The following INTS2 variants were observed in gnomAD, a reference collection of about 807,000 sequenced individuals.
The protein encoded by INTS2 is integrator complex subunit 2.
A neutral mutation model predicts 139.6 loss-of-function variants in INTS2; 57 were observed. The ratio of observed to expected loss-of-function variants is 0.41; its 90% CI spans 0.33 to 0.51. The LOEUF (loss-of-function observed/expected upper bound fraction) is 0.51. INTS2 is among the 20% of genes least tolerant of loss of function. The pLI, the probability that INTS2 is intolerant of heterozygous loss-of-function variation, is 0.28. For synonymous variants in INTS2, 473 were observed against 493.4 expected, an observed-to-expected ratio of 0.96 and a Z score of 0.55; for missense variants, 1,196 against 1,436.7, an observed-to-expected ratio of 0.83 and a Z score of 2.71.
intron 9 of INTS2, among the ~76,000 whole-genome samples, chr17:61,901,740 G>A (rs775011112): frequency 3.3e-5 from 5 of 151,538 alleles, no homozygotes; most frequent in Non-Finnish European, 5.9e-5. Flanking sequence ...GCAGGCGCCC[G>A]CCACCATGAC....
chr17:61,882,080 T>C lies in INTS2; in HGVS notation c.2090-909A>G, dbSNP rs1055854382. Among the ~76,000 whole-genome samples, 4 of 152,226 alleles carry C rather than the reference T, an allele frequency of 2.6e-5. No individual in the cohort carries two copies. Among genetic ancestry groups the C allele is most frequent in the African/African-American group, 9.6e-5 (4 of 41,460 alleles). ...CTGTTGAGAATCATCACTATAGATATGGTAAAATTAAAGTTGCCCACTTTG... is the reference window on the plus strand; with the variant it reads ...CTGTTGAGAATCATCACTATAGATACGGTAAAATTAAAGTTGCCCACTTTG... On this transcript the variant is annotated intron_variant, in intron 16 of 24. Coordinates refer to ENST00000251334, the MANE Select transcript of INTS2 (RefSeq NM_001351695.2). The surrounding 1 kb of genome is among the most constrained non-coding windows in gnomAD (Gnocchi z 4.7).
chr17:61,901,473 AAAG>A (rs1461858172), intron 9 of INTS2, among the ~76,000 whole-genome samples: 1 of 151,362 alleles, frequency 6.6e-6, no homozygotes, highest in African/African-American at 2.4e-5. Flanking sequence ...TAGACACTAC[AAAG>A]AAGAAACATT....
chr17:61,867,740 GA>G lies in INTS2; in HGVS notation c.3422-15del, dbSNP rs750886254. The G allele has an allele frequency of 2.6e-5, 41 of 1,568,264 alleles. 1 individual carries two copies. The highest frequency in any genetic ancestry group is 4.0e-5 in the Admixed American group (2 of 50,056). On this transcript the variant is annotated splice_polypyrimidine_tract_variant and intron_variant, in intron 24 of 24. Transcript: ENST00000251334. This position sits in a 1 kb window ranked among gnomAD's most constrained non-coding sequence, Gnocchi z 5.6. ...TTTGTTGAAGACCTACAACATAAGG[GA>G]AAAAAAACATTAAGGCCAAGAAATT...
At chr17:61,926,017 ACT>A (rs1275535983) in intron 2 of INTS2, among the ~76,000 whole-genome samples, 1 of 150,820 alleles carries the variant, frequency 6.6e-6, no homozygotes, top group Non-Finnish European at 1.5e-5. Context: ...CAAGAGCGAA[ACT>A]CTGTCTCAAA....
chr17:61,885,727 T>TC (rs2079221655), intron 15 of INTS2, among the ~76,000 whole-genome samples: 1 of 139,676 alleles, frequency 7.2e-6, no homozygotes, highest in African/African-American at 2.7e-5. Flanking sequence ...CGGCCAATTT[T>TC]TTTTTTTTTT....
At chr17:61,920,204 G>A (rs973624402) in intron 4 of INTS2, among the ~76,000 whole-genome samples, 12 of 125,490 alleles carry the variant, frequency 9.6e-5, no homozygotes, top group Non-Finnish European at 1.6e-4. Flanking sequence ...TTTTTGCGAC[G>A]AAGTCTCGCT....
chr17:61,872,120 T>A lies in INTS2; in HGVS notation c.2778+145A>T. ...CTGATACTCAGAAGCAAAGGTAACATCATTGTAATAGATTCTATAATAAAA... is the reference window on the plus strand; with the variant it reads ...CTGATACTCAGAAGCAAAGGTAACAACATTGTAATAGATTCTATAATAAAA... On this transcript the variant is annotated intron_variant, in intron 20 of 24. Coordinates refer to ENST00000251334, the MANE Select transcript of INTS2 (RefSeq NM_001351695.2). This position sits in a 1 kb window ranked among gnomAD's most constrained non-coding sequence, Gnocchi z 4.8. 4.2e-6 allele frequency: 2 copies of A among 478,712 alleles called. No homozygotes were observed. Among genetic ancestry groups the A allele is most frequent in the Non-Finnish European group, 7.5e-6 (2 of 266,914 alleles). 29.7% of individuals were successfully genotyped at this position (478,712 alleles called of 1,614,324 possible). A position where few individuals can be genotyped will look rare whatever the true frequency, so the allele number is the denominator to read the frequency against.
chr17:61,871,577 T>G lies in INTS2; in HGVS notation c.2778+688A>C, dbSNP rs1356963365. On this transcript the variant is annotated intron_variant, in intron 20 of 24. Coordinates refer to ENST00000251334, the MANE Select transcript of INTS2 (RefSeq NM_001351695.2). This position sits in a 1 kb window ranked among gnomAD's most constrained non-coding sequence, Gnocchi z 4.9. The stretch of plus-strand genomic sequence containing the variant: ...ACAAATAACTAAGGATTTTGTCTTC[T>G]TCACCACTCTATCCCCAGTTCCTGG... Among the ~76,000 whole-genome samples the G allele has an allele frequency of 6.6e-6, 1 of 152,228 alleles. No individual in the cohort carries two copies. The highest frequency in any genetic ancestry group is 1.5e-5 in the Non-Finnish European group (1 of 68,036).
chr17:61,896,036 T>G (rs1245857630), intron 11 of INTS2, among the ~76,000 whole-genome samples: 1 of 151,850 alleles, frequency 6.6e-6, no homozygotes, highest in Non-Finnish European at 1.5e-5. Flanking sequence ...GGTCAGGAGA[T>G]CGACACCATC....
intron 2 of INTS2, 32 bp from the exon 3 acceptor site, chr17:61,925,131 A>G (rs1469169668): frequency 6.3e-7 from 1 of 1,588,936 alleles, no homozygotes; most frequent in Admixed American, 1.7e-5. Context: ...AACAATTATG[A>G]AAACACTGAT....
intron 13 of INTS2, among the ~76,000 whole-genome samples, chr17:61,892,953 CAA>C (rs58426330): frequency 0.034 from 1,490 of 44,126 alleles, 7 homozygotes; most frequent in African/African-American, 0.042. Flanking sequence ...GACTCCATCT[CAA>C]AAAAAAAAAA....
At chr17:61,919,556 C>T (rs1479565526) in intron 4 of INTS2, 43 bp from the exon 5 acceptor site, 2 of 942,104 alleles carry the variant, frequency 2.1e-6, no homozygotes, top group Non-Finnish European at 3.3e-6. Context: ...TTAACAGGTG[C>T]ACTCCACCAC....
intron 15 of INTS2, 78 bp from the exon 16 acceptor site, chr17:61,885,083 C>T: frequency 1.1e-6 from 1 of 940,210 alleles, no homozygotes; most frequent in South Asian, 1.5e-5. Flanking sequence ...CAAATGGAAA[C>T]AAAAACAAAG....
chr17:61,889,658 C>T (rs1567898597), intron 15 of INTS2, 128 bp downstream of exon 15: 2 of 561,540 alleles, frequency 3.6e-6, no homozygotes, highest in Non-Finnish European at 6.4e-6. Flanking sequence ...GCCCACATTG[C>T]AAAGATTATA....
intron 3 of INTS2, among the ~76,000 whole-genome samples, chr17:61,922,424 C>T (rs1157437183): frequency 7.3e-6 from 1 of 137,830 alleles, no homozygotes; most frequent in Non-Finnish European, 1.5e-5. Flanking sequence ...GCCGAGATAG[C>T]ACCACTGCAC....
rs1166051388 is a variant in INTS2 at position 61,891,635 on chromosome 17, G to A, written c.1753C>T (p.Leu585Phe). Residue 585 changes from leucine to phenylalanine, a missense_variant, in exon 14 of 25, where the codon CTT (leucine) becomes TTT (phenylalanine). Around this residue, in one of 3 missense-constraint regions of INTS2, gnomAD observed 1,129 missense variants for 1,341.9 expected, o/e 0.84. Coordinates refer to ENST00000251334, the MANE Select transcript of INTS2 (RefSeq NM_001351695.2). ...ETSTPLHPQL[L>F]PLIDVYINSI... is the part of the protein sequence containing the mutation. Reference sequence around the variant, plus strand: ...TTTATGTACACATCAATCAAAGGAAGTAATTGAGGATGAAGTGGAGTAGAG... The same window carrying A: ...TTTATGTACACATCAATCAAAGGAAATAATTGAGGATGAAGTGGAGTAGAG... 1 of 1,612,900 alleles carries A rather than the reference G, an allele frequency of 6.2e-7. No individual in the cohort carries two copies. The highest frequency in any genetic ancestry group is 2.2e-5 in the East Asian group (1 of 44,832).
At chr17:61,895,080 C>T (rs1182875798) in intron 12 of INTS2, among the ~76,000 whole-genome samples, 1 of 152,072 alleles carries the variant, frequency 6.6e-6, no homozygotes, top group Non-Finnish European at 1.5e-5. Flanking sequence ...TAAGTATCTA[C>T]TCAAAGTCTC....
Position 61,904,583 on chromosome 17 carries a change from G to A in INTS2, c.1184C>T (p.Pro395Leu), listed in dbSNP as rs755479584. Residue 395 changes from proline to leucine, a missense_variant and splice_region_variant, in exon 9 of 25, where the codon CCA (proline) becomes CTA (leucine). Physicochemically the swap from Pro to Leu is moderately conservative, Grantham distance 98 (BLOSUM62 -3). Around this residue, in one of 3 missense-constraint regions of INTS2, gnomAD observed 1,129 missense variants for 1,341.9 expected, o/e 0.84. Transcript: ENST00000251334. ...CALMGIAGLK[P>L]TEEEAEQLLQ... ...TAATTGCTCAGCTTCTTCTTCAGTT[G>A]GTCTAAAAAGGAATACATCATTAGG... The A allele has an allele frequency of 1.2e-6, 2 of 1,607,226 alleles. No individual in the cohort carries two copies. Among genetic ancestry groups the A allele is most frequent in the Non-Finnish European group, 1.7e-6 (2 of 1,177,392 alleles).
chr17:61,885,465 A>G (rs2079217986), intron 15 of INTS2, among the ~76,000 whole-genome samples: 1 of 148,780 alleles, frequency 6.7e-6, no homozygotes, highest in African/African-American at 2.5e-5. Flanking sequence ...CCCAGGCTAG[A>G]GTGCAGTGGC....
Sources: gnomAD v4.1 joint callset for allele counts (sites outside exome capture counted in the v4.1 genomes callset) on GRCh38, gnomAD v4.1.1 for gene constraint, gnomAD v4.1.1 regional missense constraint, Gnocchi (gnomAD v3.1) non-coding constraint, MANE v1.5 for transcripts, NCBI Gene and HGNC (gene_info 2026-07-23, HGNC 2026-07-21) for gene names.